TAFA4: variants seen among roughly 807,000 people sequenced by gnomAD.
The protein encoded by TAFA4 is chemokine-like protein TAFA-4.
TAFA4 carries 20 observed loss-of-function variants against 21.1 expected under a neutral mutation model. The observed-to-expected ratio is 0.95, with a 90% CI of 0.67 to 1.38. The LOEUF (loss-of-function observed/expected upper bound fraction) is 1.38, where lower values mean the gene tolerates loss of function less well. TAFA4 is among the 40% of genes most tolerant of loss of function. TAFA4 has a pLI of 0.00. For synonymous variants in TAFA4, 71 were observed against 67.4 expected (o/e 1.05, Z -0.26); for missense variants, 211 against 180.9 (o/e 1.17, Z -0.95).
intron 3 of TAFA4, among the ~76,000 whole-genome samples, chr3:68,865,162 T>A (rs1449419663): frequency 6.6e-6 from 1 of 152,152 alleles, no homozygotes; most frequent in Non-Finnish European, 1.5e-5. Flanking sequence ...AATATGTGCA[T>A]TGACAATGGC....
intron 5 of TAFA4, among the ~76,000 whole-genome samples, chr3:68,737,263 A>G (rs894604576): frequency 3.9e-5 from 6 of 152,314 alleles, no homozygotes; most frequent in Admixed American, 2.6e-4. Flanking sequence ...AAAATAGCTG[A>G]AATGGGACAA....
chr3:68,752,375 A>G (rs1300521945), intron 4 of TAFA4, among the ~76,000 whole-genome samples: 3 of 152,198 alleles, frequency 2.0e-5, no homozygotes, highest in African/African-American at 7.2e-5. Flanking sequence ...GGAGATTACA[A>G]ATGAACGATA....
At chr3:68,859,618 C>T (rs2089304489) in intron 3 of TAFA4, among the ~76,000 whole-genome samples, 1 of 152,048 alleles carries the variant, frequency 6.6e-6, no homozygotes, top group African/African-American at 2.4e-5. Flanking sequence ...GGTTAATGGA[C>T]TGAGACTTGG....
intron 3 of TAFA4, among the ~76,000 whole-genome samples, chr3:68,817,093 A>C (rs1317337524): frequency 6.6e-6 from 1 of 152,192 alleles, no homozygotes; most frequent in African/African-American, 2.4e-5. Flanking sequence ...GTTTGAAAAC[A>C]TCTTATCCAC....
chr3:68,792,662 T>C (rs962886751), intron 3 of TAFA4, among the ~76,000 whole-genome samples: 2 of 152,212 alleles, frequency 1.3e-5, no homozygotes, highest in African/African-American at 2.4e-5. Context: ...CTGCTGTTCA[T>C]TGACAAAAAT....
chr3:68,742,236 C>T (rs929548754), intron 4 of TAFA4, among the ~76,000 whole-genome samples: 12 of 105,936 alleles, frequency 1.1e-4, no homozygotes, highest in Non-Finnish European at 1.4e-4. Flanking sequence ...AGGTCATATA[C>T]GACAAGACAT....
chr3:68,928,765 A>G (rs2090132771), intron 1 of TAFA4, among the ~76,000 whole-genome samples: 1 of 152,102 alleles, frequency 6.6e-6, no homozygotes, highest in African/African-American at 2.4e-5. Context: ...GTCCCACCAC[A>G]TCACAGGAGT....
chr3:68,811,575 T>A (rs1026001611), intron 3 of TAFA4, among the ~76,000 whole-genome samples: 4 of 152,030 alleles, frequency 2.6e-5, no homozygotes, highest in African/African-American at 9.7e-5. Context: ...AGGGTATCAG[T>A]GATGGAAGAT....
In TAFA4 at chr3:68,770,780, C is replaced by T. The variant is rs115506708; in HGVS notation, c.131-17762G>A. 6.1e-3 allele frequency among the ~76,000 whole-genome samples: 924 copies of T among 152,242 alleles called. 1 individual carries two copies. The highest frequency in any genetic ancestry group is 9.4e-3 in the Non-Finnish European group (638 of 68,024). On this transcript the variant is annotated intron_variant, in intron 3 of 5. Transcript: ENST00000295569. ...ATACAGGAAGAGGGCAGGGAAGTGC[C>T]AGGTAGAGAAGGGTGGGGTCCCGGC...
At chr3:68,853,004 C>G (rs1031189831) in intron 3 of TAFA4, among the ~76,000 whole-genome samples, 2 of 152,254 alleles carry the variant, frequency 1.3e-5, no homozygotes, top group South Asian at 2.1e-4. Context: ...CCTTAATAAA[C>G]TCTTCTCTCT....
intron 1 of TAFA4, among the ~76,000 whole-genome samples, chr3:68,911,172 G>C (rs2089958518): frequency 6.6e-6 from 1 of 152,194 alleles, no homozygotes; most frequent in South Asian, 2.1e-4. Context: ...GAGCAATTAT[G>C]CCAAGCCAAT....
At chr3:68,737,764 G>C (rs1386751370) in intron 5 of TAFA4, among the ~76,000 whole-genome samples, 2 of 152,110 alleles carry the variant, frequency 1.3e-5, no homozygotes, top group African/African-American at 4.8e-5. Flanking sequence ...AAACACTTAA[G>C]AGTTCTCATT....
chr3:68,739,802 TATAA>T (rs1702314815), intron 4 of TAFA4, among the ~76,000 whole-genome samples: 1 of 152,150 alleles, frequency 6.6e-6, no homozygotes, highest in African/African-American at 2.4e-5. Flanking sequence ...TTTTCTCACT[TATAA>T]ATGAGAGCTG....
intron 3 of TAFA4, among the ~76,000 whole-genome samples, chr3:68,774,555 A>T (rs1703016945): frequency 6.6e-6 from 1 of 152,244 alleles, no homozygotes; most frequent in Non-Finnish European, 1.5e-5. Flanking sequence ...TTACTTTTTA[A>T]TAGCACATAT....
At chr3:68,877,847 A>G (rs547947493) in intron 3 of TAFA4, among the ~76,000 whole-genome samples, 1 of 152,270 alleles carries the variant, frequency 6.6e-6, no homozygotes, top group African/African-American at 2.4e-5. Flanking sequence ...ATGCCTCCAA[A>G]TGTGAAAACA....
At chr3:68,803,005 G>A (rs2106830210) in intron 3 of TAFA4, among the ~76,000 whole-genome samples, 1 of 152,304 alleles carries the variant, frequency 6.6e-6, no homozygotes, top group Admixed American at 6.5e-5. Flanking sequence ...TCAGAAGACG[G>A]TTTGTTCTAG....
intron 1 of TAFA4, among the ~76,000 whole-genome samples, chr3:68,915,092 C>T (rs911690180): frequency 5.9e-5 from 9 of 152,056 alleles, no homozygotes; most frequent in African/African-American, 2.2e-4. Context: ...CAAGTGGATA[C>T]CTTTCATCAT....
At chr3:68,882,110 G>A (rs1020300218) in intron 2 of TAFA4, among the ~76,000 whole-genome samples, 1 of 152,112 alleles carries the variant, frequency 6.6e-6, no homozygotes, top group African/African-American at 2.4e-5. Context: ...GGTGTTAAAG[G>A]CAACAAAAAG....
chr3:68,733,958 C>T (rs1030998727), intron 5 of TAFA4, among the ~76,000 whole-genome samples: 1 of 151,710 alleles, frequency 6.6e-6, no homozygotes, highest in African/African-American at 2.4e-5. Context: ...TAAACAAAAA[C>T]CCTGCCCCCA....
Sources: gnomAD v4.1 joint callset for allele counts (sites outside exome capture counted in the v4.1 genomes callset) on GRCh38, gnomAD v4.1.1 for gene constraint, MANE v1.5 for transcripts, NCBI Gene and HGNC (gene_info 2026-07-23, HGNC 2026-07-21) for gene names.